THSD4: variants seen among roughly 807,000 people sequenced by gnomAD.
The protein encoded by THSD4 is thrombospondin type-1 domain-containing protein 4.
In THSD4, 69 loss-of-function variants were observed where a neutral mutation model predicts 119.0. The observed-to-expected ratio is 0.58, with a 90% CI of 0.48 to 0.71. THSD4 has a LOEUF of 0.71. Among genes scored for constraint, THSD4 ranks in the 30% least tolerant of loss-of-function variants. The pLI, the probability that THSD4 is intolerant of heterozygous loss-of-function variation, is 0.00. For synonymous variants in THSD4, 524 were observed against 540.4 expected (o/e 0.97, Z 0.42); for missense variants, 1,393 against 1,391.1 (o/e 1.00, Z -0.02).
intron 3 of THSD4, among the ~76,000 whole-genome samples, chr15:71,170,387 C>T (rs910514633): frequency 6.6e-6 from 1 of 152,112 alleles, no homozygotes; most frequent in Non-Finnish European, 1.5e-5. Flanking sequence ...CATTCAGGAC[C>T]AAGAACAGTG....
At chr15:71,363,158 G>A (rs1280597343) in intron 6 of THSD4, among the ~76,000 whole-genome samples, 1 of 152,130 alleles carries the variant, frequency 6.6e-6, no homozygotes, top group African/African-American at 2.4e-5. Flanking sequence ...CTTCTGTAAA[G>A]GGCCAGCTAT....
At position 71,107,850 on chromosome 15, in the gene THSD4, A is replaced by G. The variant is rs190792770; in HGVS notation, c.-80+10844A>G. Among the ~76,000 whole-genome samples, 57 of 152,340 alleles carry G rather than the reference A, an allele frequency of 3.7e-4. No individual in the cohort carries two copies. In the East Asian group the frequency reaches 0.011, roughly 29 times the overall value. On this transcript the variant is annotated intron_variant, in intron 1 of 17. Transcript: ENST00000355327. Reference sequence around the variant, plus strand: ...AGAATTCAGCAGTTAGTGAGTGTCAAGCCTGCTCTGCAGATGAGGAAACTG... The same window carrying G: ...AGAATTCAGCAGTTAGTGAGTGTCAGGCCTGCTCTGCAGATGAGGAAACTG...
At chr15:71,725,658 G>A (rs1246690257) in intron 8 of THSD4, among the ~76,000 whole-genome samples, 1 of 152,140 alleles carries the variant, frequency 6.6e-6, no homozygotes, top group Non-Finnish European at 1.5e-5. Flanking sequence ...GGAGGCCTGG[G>A]AAACACCCAT....
chr15:71,533,192 T>A (rs752953663), intron 7 of THSD4, among the ~76,000 whole-genome samples: 2 of 152,230 alleles, frequency 1.3e-5, no homozygotes, highest in Non-Finnish European at 2.9e-5. Flanking sequence ...AAAATAAACT[T>A]CGTTACTCCT....
At position 71,728,720 on chromosome 15, in the gene THSD4, T is replaced by C; in HGVS notation, c.1529T>C (p.Val510Ala). 2 of 1,614,056 alleles carry C rather than the reference T, an allele frequency of 1.2e-6. No individual in the cohort carries two copies. The highest frequency in any genetic ancestry group is 8.5e-7 in the Non-Finnish European group (1 of 1,180,034). Residue 510 changes from valine to alanine, a missense_variant, in exon 9 of 18, where the codon GTC becomes GCC. Coordinates refer to ENST00000261862, the MANE Select transcript of THSD4 (RefSeq NM_024817.3). Reference sequence around the variant, plus strand: ...GGTCCCACCAACGAGATCTTGGATGTCTACGTGAGTTTGGATGTTTCTGGA... The same window carrying C: ...GGTCCCACCAACGAGATCTTGGATGCCTACGTGAGTTTGGATGTTTCTGGA... The part of the protein sequence containing the change: ...AEGPTNEILD[V>A]YMIHQQPNPG...
intron 6 of THSD4, chr15:71,341,334 G>A (rs754844417): frequency 8.7e-6 from 14 of 1,606,642 alleles, no homozygotes; most frequent in South Asian, 4.4e-5. Flanking sequence ...TAGGTCCGGC[G>A]GTGCATCTTA....
intron 7 of THSD4, among the ~76,000 whole-genome samples, chr15:71,461,419 T>G (rs1158849295): frequency 6.6e-6 from 1 of 152,204 alleles, no homozygotes; most frequent in Non-Finnish European, 1.5e-5. Flanking sequence ...TCAGTGTTAT[T>G]CAGTGTGTGA....
At chr15:71,132,011 G>A (rs1291455687) in intron 1 of THSD4, among the ~76,000 whole-genome samples, 1 of 152,206 alleles carries the variant, frequency 6.6e-6, no homozygotes, top group Non-Finnish European at 1.5e-5. Flanking sequence ...ACTATGTTAA[G>A]CCATTCACAT....
intron 6 of THSD4, among the ~76,000 whole-genome samples, chr15:71,318,402 C>T (rs2045220580): frequency 1.3e-5 from 2 of 152,164 alleles, no homozygotes. Flanking sequence ...GTGTTTTCTA[C>T]ACCTGGGACA....
At chr15:71,252,372 A>G (rs2044268815) in intron 5 of THSD4, among the ~76,000 whole-genome samples, 1 of 152,258 alleles carries the variant, frequency 6.6e-6, no homozygotes, top group African/African-American at 2.4e-5. Context: ...GAGAGATCAC[A>G]TCCCGATAAT....
In THSD4 at chr15:71,100,526, T is replaced by TG. The variant is rs1255926649; in HGVS notation, c.-80+3524dup. ...TTGGTTGTAGGTACATGAAAGACCC[T>TG]GGGGCAGAGGACCTAGTTTAGCCAT... On this transcript the variant is annotated intron_variant, in intron 1 of 17. Transcript: ENST00000355327. 3.3e-5 allele frequency among the ~76,000 whole-genome samples: 5 copies of TG among 152,292 alleles called. No homozygotes were observed. The East Asian group carries it at 7.7e-4, about 24-fold the overall frequency.
intron 7 of THSD4, among the ~76,000 whole-genome samples, chr15:71,591,224 G>C (rs1313377940): frequency 1.3e-5 from 2 of 152,116 alleles, no homozygotes; most frequent in Middle Eastern, 6.4e-3. Flanking sequence ...GGAATTTGGA[G>C]AAAGTCAGTG....
At chr15:71,126,625 T>C (rs1047794457) in intron 1 of THSD4, among the ~76,000 whole-genome samples, 14 of 152,208 alleles carry the variant, frequency 9.2e-5, no homozygotes, top group Non-Finnish European at 1.5e-5. Context: ...ATGCCAGCAC[T>C]GAGTTGACAG....
chr15:71,504,865 G>C (rs1260301519), intron 7 of THSD4, among the ~76,000 whole-genome samples: 1 of 152,112 alleles, frequency 6.6e-6, no homozygotes, highest in Non-Finnish European at 1.5e-5. Flanking sequence ...TTAACATGTA[G>C]TCATCATGTC....
intron 7 of THSD4, among the ~76,000 whole-genome samples, chr15:71,647,654 C>T (rs6494950): frequency 0.29 from 44,386 of 152,028 alleles, 7,013 homozygotes; most frequent in East Asian, 0.63. Context: ...AAATATCTCT[C>T]AACTTGGCAA....
At chr15:71,634,583 G>A (rs1166900369) in intron 7 of THSD4, among the ~76,000 whole-genome samples, 2 of 152,200 alleles carry the variant, frequency 1.3e-5, no homozygotes, top group South Asian at 2.1e-4. Context: ...CTTCCCCAGG[G>A]CATCAGTCAC....
chr15:71,405,471 T>G (rs1357351053), intron 6 of THSD4, among the ~76,000 whole-genome samples: 2 of 152,224 alleles, frequency 1.3e-5, no homozygotes, highest in Non-Finnish European at 2.9e-5. Flanking sequence ...TGAATTGTCT[T>G]GGCACCTCTG....
At chr15:71,680,835 TA>T (rs2051759308) in intron 8 of THSD4, among the ~76,000 whole-genome samples, 1 of 151,906 alleles carries the variant, frequency 6.6e-6, no homozygotes, top group African/African-American at 2.4e-5. Flanking sequence ...GAAGGTTAAA[TA>T]AGGTAAAACA....
At chr15:71,248,918 C>T (rs1048412030) in intron 5 of THSD4, among the ~76,000 whole-genome samples, 6 of 152,130 alleles carry the variant, frequency 3.9e-5, no homozygotes, top group Non-Finnish European at 8.8e-5. Flanking sequence ...TGCCAGGAAC[C>T]ATGAGGCCAG....
Sources: allele counts gnomAD v4.1 joint callset (sites outside exome capture counted in the v4.1 genomes callset), GRCh38; gene constraint gnomAD v4.1.1; transcripts MANE v1.5; gene names NCBI Gene and HGNC (gene_info 2026-07-23, HGNC 2026-07-21).